The following CSPP1 variants were observed in gnomAD, a reference collection of about 807,000 sequenced individuals.
The protein encoded by CSPP1 is centrosome and spindle pole-associated protein 1.
Under a neutral mutation model 164.4 loss-of-function variants are expected in CSPP1, and 126 were observed. The ratio of observed to expected loss-of-function variants is 0.77; its 90% confidence interval spans 0.66 to 0.89. The LOEUF (loss-of-function observed/expected upper bound fraction) is 0.89. Among genes scored for constraint, CSPP1 ranks in the 40% least tolerant of loss-of-function variants. CSPP1 has a pLI of 0.00. For synonymous variants in CSPP1, 472 were observed against 476.7 expected (o/e 0.99, Z 0.13); for missense variants, 1,395 against 1,449.8 (o/e 0.96, Z 0.61).
chr8:67,159,453 C>T (rs541914212), intron 21 of CSPP1, among the ~76,000 whole-genome samples: 1 of 139,142 alleles, frequency 7.2e-6, no homozygotes, highest in South Asian at 2.4e-4. Context: ...TGTTATGGTT[C>T]ATGACAAGAC....
chr8:67,123,811 C>T (rs1034157093), intron 15 of CSPP1, among the ~76,000 whole-genome samples: 1 of 151,390 alleles, frequency 6.6e-6, no homozygotes, highest in African/African-American at 2.4e-5. Flanking sequence ...TAGGGTTTTG[C>T]CATGTTTCCC....
chr8:67,138,818 G>T (rs1475325323), intron 17 of CSPP1, among the ~76,000 whole-genome samples: 2 of 152,068 alleles, frequency 1.3e-5, no homozygotes, highest in Non-Finnish European at 2.9e-5. Context: ...GTCAATTTTG[G>T]CTTTTGTTGC....
intron 15 of CSPP1, among the ~76,000 whole-genome samples, chr8:67,126,544 C>G (rs369352352): frequency 2.0e-5 from 3 of 152,104 alleles, no homozygotes; most frequent in East Asian, 1.9e-4. Flanking sequence ...CCAACTGGTT[C>G]TGTGTGTGTG....
Position 67,091,924 on chromosome 8 carries a change from G to A in CSPP1, c.384+41G>A, listed in dbSNP as rs185225247. ...TAGTTATTGTGGGTACCAGTTTTCC[G>A]AGGCATCAAAATCATTAAAGAACAT... On this transcript the variant is annotated intron_variant, in intron 5 of 30. Transcript: ENST00000678616. 503 of 839,656 alleles carry A rather than the reference G, an allele frequency of 6.0e-4. 3 individuals are homozygous for A. The highest frequency in any genetic ancestry group is 3.8e-3 in the African/African-American group (211 of 54,952). The allele number at this position is 839,656 out of a possible 1,614,324, so 52.0% of individuals were successfully genotyped here.
At position 67,148,012 on chromosome 8, in the gene CSPP1, C is replaced by A. The variant is rs554966566; in HGVS notation, c.1976-1771C>A. 1.3e-5 allele frequency among the ~76,000 whole-genome samples: 2 copies of A among 151,888 alleles called. 1 individual carries two copies. Among genetic ancestry groups the A allele is most frequent in the South Asian group, 4.2e-4 (2 of 4,792 alleles). Reference sequence around the variant, plus strand: ...TGACTCACTGCAACCTGCACCCCCCCGGCTTAAGTGATCCTCCCACCTCAG... The same window carrying A: ...TGACTCACTGCAACCTGCACCCCCCAGGCTTAAGTGATCCTCCCACCTCAG... On this transcript the variant is annotated intron_variant, in intron 17 of 30. Transcript: ENST00000678616.
Position 67,137,527 on chromosome 8 carries a change from T to C in CSPP1, c.1899T>C (p.Ala633=), listed in dbSNP as rs1822592302. Residue 633 remains alanine, a synonymous_variant, in exon 17 of 31, where the codon GCT becomes GCC. Coordinates refer to ENST00000678616, the MANE Select transcript of CSPP1 (RefSeq NM_001382391.1). ...EKEEYEAKLE[A]EMRTYNPWGK... ...AAGAATATGAAGCTAAATTAGAAGCTGAAATGAGAACATATAATCCCTGGG... is the reference window on the plus strand; with the variant it reads ...AAGAATATGAAGCTAAATTAGAAGCCGAAATGAGAACATATAATCCCTGGG... 6.3e-7 allele frequency: 1 copy of C among 1,595,396 alleles called. No individual in the cohort carries two copies. Among genetic ancestry groups the C allele is most frequent in the Non-Finnish European group, 8.5e-7 (1 of 1,169,978 alleles).
At chr8:67,182,770 T>C (rs1175648839) in intron 28 of CSPP1, among the ~76,000 whole-genome samples, 1 of 152,262 alleles carries the variant, frequency 6.6e-6, no homozygotes, top group Non-Finnish European at 1.5e-5. Context: ...TATTGACTAA[T>C]TGTACATCAT....
chr8:67,160,143 A>G (rs961120679), intron 21 of CSPP1, among the ~76,000 whole-genome samples: 1 of 145,938 alleles, frequency 6.9e-6, no homozygotes, highest in East Asian at 2.0e-4. Flanking sequence ...CAGCCTCCCA[A>G]AGTGGTGGGA....
rs1812069686 is a variant in CSPP1, at chr8:67,093,560, A to G, written c.402A>G (p.Glu134=). Residue 134 remains glutamate (E), a synonymous_variant, in exon 6 of 31, where the codon GAA becomes GAG. Transcript: ENST00000678616. ...RLSAKERLKL[E]RNKEYNQFLR... ...ATTTTAAGGAAAGGTTGAAACTTGA[A>G]CGTAACAAAGAATACAATCAGTTTC... The G allele has an allele frequency of 6.2e-7, 1 of 1,607,208 alleles. No individual in the cohort carries two copies. Among genetic ancestry groups the G allele is most frequent in the Non-Finnish European group, 8.5e-7 (1 of 1,175,742 alleles).
intron 15 of CSPP1, 55 bp downstream of exon 15, chr8:67,118,876 C>A: frequency 8.3e-7 from 1 of 1,199,516 alleles, no homozygotes; most frequent in Non-Finnish European, 1.2e-6. Context: ...TGTTAAGATA[C>A]ACATAACCTA....
intron 28 of CSPP1, among the ~76,000 whole-genome samples, chr8:67,189,061 A>C (rs552203945): frequency 1.3e-5 from 2 of 152,330 alleles, no homozygotes; most frequent in South Asian, 4.1e-4. Context: ...AATGTAAATT[A>C]AAATGAGATA....
chr8:67,088,960 G>C (rs2129544150), intron 4 of CSPP1, among the ~76,000 whole-genome samples: 1 of 151,748 alleles, frequency 6.6e-6, no homozygotes, highest in African/African-American at 2.4e-5. Flanking sequence ...TAGAGAGACA[G>C]TCTTTTGTTC....
At chr8:67,101,186 G>A (rs184618935) in intron 7 of CSPP1, among the ~76,000 whole-genome samples, 423 of 152,270 alleles carry the variant, frequency 2.8e-3, no homozygotes, top group Middle Eastern at 0.02. Context: ...GGTTTTTATT[G>A]TGGGATGGTT....
At chr8:67,083,548 A>AAAAAAATAT (rs1332248754) in intron 3 of CSPP1, 4 of 91,500 alleles carry the variant, frequency 4.4e-5, no homozygotes, top group African/African-American at 8.9e-5. Context: ...AAAAAAAAAA[A>AAAAAAATAT]ATATATATAT....
At chr8:67,156,846 A>G (rs946093488) in intron 19 of CSPP1, among the ~76,000 whole-genome samples, 4 of 152,246 alleles carry the variant, frequency 2.6e-5, no homozygotes, top group African/African-American at 9.6e-5. Flanking sequence ...GTTAACAAAT[A>G]AAATATTTTT....
Position 67,095,715 on chromosome 8 carries a change from A to G in CSPP1, c.906A>G (p.Arg302=), listed in dbSNP as rs756682683. 1 of 1,583,900 alleles carries G rather than the reference A, an allele frequency of 6.3e-7. No individual in the cohort carries two copies. The highest frequency in any genetic ancestry group is 1.8e-5 in the Admixed American group (1 of 56,704). The change falls in exon 7 of 31, where the codon AGA becomes AGG. Residue 302 remains arginine (R), a synonymous_variant. Transcript: ENST00000678616. ...GTGATTTTGATAGAAGACTTTCGAGAGTGTATACAAATGACAGGTATTTAC... is the reference window on the plus strand; with the variant it reads ...GTGATTTTGATAGAAGACTTTCGAGGGTGTATACAAATGACAGGTATTTAC... ...YESDFDRRLS[R]VYTNDRMHRN...
intron 15 of CSPP1, among the ~76,000 whole-genome samples, chr8:67,131,301 C>T (rs756306234): frequency 8.5e-5 from 13 of 152,062 alleles, no homozygotes; most frequent in Non-Finnish European, 1.3e-4. Context: ...GTGGAAGGAT[C>T]GCTTGATTCC....
rs1239779074 is a variant in CSPP1, at chr8:67,064,615, C to T, written c.-11+77C>T. 1.6e-5 allele frequency: 20 copies of T among 1,225,256 alleles called. No homozygotes were observed. In the Admixed American group the frequency reaches 4.9e-4, roughly 30 times the overall value. 75.9% of individuals were successfully genotyped at this position (1,225,256 alleles called of 1,614,324 possible). ...CGCTGCCCCGGAGCGGGGGCAGGGG[C>T]AGTGGCTCCCTCGGGGCGTAGGTCT... is the stretch of plus-strand genomic sequence containing the variant. On this transcript the variant is annotated intron_variant, in intron 1 of 30. Coordinates refer to ENST00000678616, the MANE Select transcript of CSPP1 (RefSeq NM_001382391.1).
rs956232864 is a variant in CSPP1, at chr8:67,172,309, A to G, written c.2829-107A>G. On this transcript the variant is annotated intron_variant, in intron 24 of 30. Transcript: ENST00000678616. ...GCACCTGTCCTAGAGTAATTTTTTA[A>G]TAATATGATGTGGTGAAAAAGACCA... 6.2e-6 allele frequency: 5 copies of G among 806,366 alleles called. No homozygotes were observed. The African/African-American group carries it at 8.6e-5, about 14-fold the overall frequency. 50.0% of individuals were successfully genotyped at this position (806,366 alleles called of 1,614,324 possible).
Sources: gnomAD v4.1 joint callset for allele counts (sites outside exome capture counted in the v4.1 genomes callset) on GRCh38, gnomAD v4.1.1 for gene constraint, MANE v1.5 for transcripts, NCBI Gene and HGNC (gene_info 2026-07-23, HGNC 2026-07-21) for gene names.